ADGRE3: variants seen among roughly 807,000 people sequenced by gnomAD.
ADGRE3 encodes adhesion G protein-coupled receptor E3.
Under a neutral mutation model 80.1 loss-of-function variants are expected in ADGRE3, and 88 were observed. The observed-to-expected ratio is 1.10, with a 90% CI of 0.93 to 1.31. The LOEUF (loss-of-function observed/expected upper bound fraction) is 1.31. Ranked by LOEUF, ADGRE3 falls within the 40% of genes most tolerant of loss-of-function variation. ADGRE3 has a pLI of 0.00. For synonymous variants in ADGRE3, 281 were observed against 294.8 expected (o/e 0.95, Z 0.48); for missense variants, 715 against 776.5 (o/e 0.92, Z 0.94).
At chr19:14,653,241 G>T (rs10422474) in intron 6 of ADGRE3, among the ~76,000 whole-genome samples, 4,232 of 152,030 alleles carry the variant, frequency 0.028, 188 homozygotes, top group African/African-American at 0.097. Flanking sequence ...GCCTCCAAAA[G>T]TGCTAGGATT....
At chr19:14,657,811 T>A (rs991068617) in intron 5 of ADGRE3, among the ~76,000 whole-genome samples, 24 of 152,056 alleles carry the variant, frequency 1.6e-4, no homozygotes, top group African/African-American at 5.8e-4. Flanking sequence ...TCACCCAGGC[T>A]GGAGTGCAGT....
chr19:14,600,208 A>C, the ADGRE3 span: 2 of 1,612,118 alleles, frequency 1.2e-6, no homozygotes, highest in Non-Finnish European at 1.7e-6. Flanking sequence ...TGAACCTTTG[A>C]GAACCTTCAG....
rs1971595461 is a variant in ADGRE3, at chr19:14,651,112, T to G, written c.670A>C (p.Ser224Arg). The G allele has an allele frequency of 6.2e-7, 1 of 1,614,144 alleles. No individual in the cohort carries two copies. The highest frequency in any genetic ancestry group is 1.3e-5 in the African/African-American group (1 of 75,062). ...TGTGTGTCTCCCTGGATGATGTCAC[T>G]GCAACGGATGTCCATTGAGTTCATT... ...VQMNSMDIRC[S>R]DIIQGDTQGP... Residue 224 changes from serine (S) to arginine (R), a missense_variant, in exon 7 of 16, where the codon AGT becomes CGT. Ser to Arg is a moderately radical substitution (Grantham distance 110). Transcript: ENST00000253673.
chr19:14,607,782 G>A, the ADGRE3 span, among the ~76,000 whole-genome samples: 1 of 150,928 alleles, frequency 6.6e-6, no homozygotes, highest in Non-Finnish European at 1.5e-5. Context: ...CACCATGTTG[G>A]CCAGGCTGGT....
intron 15 of ADGRE3, among the ~76,000 whole-genome samples, chr19:14,620,081 C>CT (rs1170891985): frequency 2.6e-5 from 4 of 152,132 alleles, no homozygotes; most frequent in Middle Eastern, 3.2e-3. Context: ...GCAACATTGC[C>CT]TGGCGACCTA....
chr19:14,643,067 T>C (rs543235537), intron 9 of ADGRE3, among the ~76,000 whole-genome samples: 5 of 152,158 alleles, frequency 3.3e-5, no homozygotes, highest in Non-Finnish European at 5.9e-5. Context: ...TTCCTTTTTT[T>C]CTGCTACCTC....
intron 5 of ADGRE3, 124 bp from the exon 6 acceptor site, chr19:14,655,289 G>C (rs1428879144): frequency 2.6e-6 from 2 of 769,764 alleles, no homozygotes; most frequent in African/African-American, 1.8e-5. Context: ...TCAAATCCTG[G>C]CACTTCATCA....
At chr19:14,601,903 C>T in the ADGRE3 span, among the ~76,000 whole-genome samples, 1 of 151,988 alleles carries the variant, frequency 6.6e-6, no homozygotes, top group Non-Finnish European at 1.5e-5. Context: ...CGCCATTTTC[C>T]CACTTCAGCC....
chr19:14,662,633 G>A (rs1361963197), intron 3 of ADGRE3, among the ~76,000 whole-genome samples: 1 of 152,030 alleles, frequency 6.6e-6, no homozygotes, highest in African/African-American at 2.4e-5. Flanking sequence ...TGATCCACCT[G>A]CCTTGGCTTC....
At chr19:14,651,277 T>G in intron 6 of ADGRE3, 73 bp from the exon 7 acceptor site, 1 of 1,520,842 alleles carries the variant, frequency 6.6e-7, no homozygotes, top group South Asian at 1.1e-5. Context: ...GAACAGGACA[T>G]GGTGGTGCAT....
chr19:14,655,284 T>A (rs577741596), intron 5 of ADGRE3, 119 bp from the exon 6 acceptor site: 9 of 791,842 alleles, frequency 1.1e-5, no homozygotes, highest in African/African-American at 1.8e-5. Context: ...CACGTTCAAA[T>A]CCTGGCACTT....
At chr19:14,605,336 T>C in the ADGRE3 span, among the ~76,000 whole-genome samples, 1 of 150,626 alleles carries the variant, frequency 6.6e-6, no homozygotes, top group Non-Finnish European at 1.5e-5. Flanking sequence ...CCTCAGGTGA[T>C]CCACCTGTGT....
intron 5 of ADGRE3, among the ~76,000 whole-genome samples, chr19:14,657,484 C>A (rs138405086): frequency 1.5e-3 from 223 of 152,088 alleles, no homozygotes; most frequent in African/African-American, 5.1e-3. Context: ...CACGCTCATA[C>A]ACACACACTC....
chr19:14,618,871 A>AAAAAAAAAAAAC (rs2075099919), downstream of ADGRE3, among the ~76,000 whole-genome samples: 1 of 144,534 alleles, frequency 6.9e-6, no homozygotes, highest in Non-Finnish European at 1.5e-5. Flanking sequence ...AAAAAAAAAA[A>AAAAAAAAAAAAC]TTAGCCTGTA....
chr19:14,645,200 G>A (rs143005355), intron 8 of ADGRE3, among the ~76,000 whole-genome samples: 117 of 151,874 alleles, frequency 7.7e-4, no homozygotes, highest in African/African-American at 2.8e-3. Flanking sequence ...CCCAAAAAAA[G>A]CAGTGGAGTC....
At chr19:14,606,673 C>T in the ADGRE3 span, among the ~76,000 whole-genome samples, 1 of 149,052 alleles carries the variant, frequency 6.7e-6, no homozygotes, top group East Asian at 2.0e-4. Context: ...GAGCGAGACT[C>T]CCTCTCAAAA....
chr19:14,658,436 G>T, intron 5 of ADGRE3, 77 bp downstream of exon 5: 3 of 1,057,392 alleles, frequency 2.8e-6, no homozygotes, highest in Non-Finnish European at 4.0e-6. Flanking sequence ...ATCCCCATTT[G>T]CTCACTTTGG....
chr19:14,633,717 A>ATAAAATAAAT (rs1568479535), intron 11 of ADGRE3, among the ~76,000 whole-genome samples: 2 of 112,152 alleles, frequency 1.8e-5, no homozygotes, highest in Non-Finnish European at 3.8e-5. Flanking sequence ...AAAAAATAAA[A>ATAAAATAAAT]TAAAATAAAA....
chr19:14,634,475 G>C (rs1970978594), intron 11 of ADGRE3, among the ~76,000 whole-genome samples: 1 of 152,122 alleles, frequency 6.6e-6, no homozygotes, highest in Admixed American at 6.6e-5. Context: ...ACACAGCTTT[G>C]TGACATTACC....
Sources: gnomAD v4.1 joint callset for allele counts (sites outside exome capture counted in the v4.1 genomes callset) on GRCh38, gnomAD v4.1.1 for gene constraint, MANE v1.5 for transcripts, NCBI Gene and HGNC (gene_info 2026-07-23, HGNC 2026-07-21) for gene names.